The following CFAP43 variants were observed in gnomAD, a reference collection of about 807,000 sequenced individuals.
CFAP43 encodes the protein cilia and flagella associated protein 43, also known as cilia- and flagella-associated protein 43.
Under a neutral mutation model 218.9 loss-of-function variants are expected in CFAP43, and 155 were observed. The observed-to-expected ratio is 0.71, with a 90% CI of 0.62 to 0.81. The LOEUF (loss-of-function observed/expected upper bound fraction) is 0.81. Ranked by LOEUF, CFAP43 falls within the 30% of genes least tolerant of loss-of-function variation. The pLI is 0.00. For synonymous variants in CFAP43, 645 were observed against 681.3 expected (o/e 0.95, Z 0.83); for missense variants, 1,778 against 1,954.3 (o/e 0.91, Z 1.70).
At chr10:104,210,141 G>A (rs901880506) in intron 5 of CFAP43, among the ~76,000 whole-genome samples, 6 of 152,162 alleles carry the variant, frequency 3.9e-5, no homozygotes, top group Admixed American at 3.3e-4. Context: ...CAGTACAGAT[G>A]CAACCATACA....
intron 27 of CFAP43, among the ~76,000 whole-genome samples, chr10:104,158,030 TTTGAACAACAG>T (rs1341592228): frequency 6.6e-6 from 1 of 152,080 alleles, no homozygotes; most frequent in Non-Finnish European, 1.5e-5. Context: ...CTCCGAACAC[TTTGAACAACAG>T]AAATAATAAT....
chr10:104,214,214 A>G (rs1466889023), intron 4 of CFAP43, 45 bp downstream of exon 4: 11 of 1,515,260 alleles, frequency 7.3e-6, no homozygotes, highest in Non-Finnish European at 8.0e-6. Flanking sequence ...ACACGAATGC[A>G]AACAAAGACC....
In CFAP43 at chr10:104,159,667, T is replaced by C. The variant is rs534183889; in HGVS notation, c.3540+1370A>G. Among the ~76,000 whole-genome samples the C allele has an allele frequency of 1.2e-4, 18 of 152,182 alleles. No homozygotes were observed. The South Asian group carries it at 3.7e-3, about 32-fold the overall frequency. On this transcript the variant is annotated intron_variant, in intron 27 of 37. Transcript: ENST00000357060. ...AGTAGAGGAGTAAGGGAAATAACTT[T>C]TAGTTGTCTCTCTTCTCTTAGTAAA...
In CFAP43 at chr10:104,146,352, A is replaced by AT. The variant is rs1158988362; in HGVS notation, c.3769-4dup. The stretch of plus-strand genomic sequence containing the variant: ...CGAACAGCTTCTGAAGTCTGGCTCT[A>AT]TAACAGCATCAGGAATAGTTGATTG... On this transcript the variant is annotated splice_polypyrimidine_tract_variant and splice_region_variant and intron_variant, in intron 29 of 37. Coordinates refer to ENST00000357060, the MANE Select transcript of CFAP43 (RefSeq NM_025145.7). The AT allele has an allele frequency of 1.2e-6, 2 of 1,612,464 alleles. No homozygotes were observed. Among genetic ancestry groups the AT allele is most frequent in the African/African-American group, 2.7e-5 (2 of 74,930 alleles).
At chr10:104,138,423 C>A (rs1055338771) in intron 34 of CFAP43, among the ~76,000 whole-genome samples, 1 of 152,162 alleles carries the variant, frequency 6.6e-6, no homozygotes, top group African/African-American at 2.4e-5. Flanking sequence ...GGCTTGTAAT[C>A]CCAACACTTT....
intron 27 of CFAP43, among the ~76,000 whole-genome samples, chr10:104,159,908 T>C (rs1457252976): frequency 1.3e-5 from 2 of 152,302 alleles, no homozygotes; most frequent in East Asian, 3.9e-4. Context: ...CCCCAGGTGA[T>C]GCAGATTCGC....
At chr10:104,153,144 G>T (rs2088359541) in intron 27 of CFAP43, among the ~76,000 whole-genome samples, 1 of 152,144 alleles carries the variant, frequency 6.6e-6, no homozygotes, top group Non-Finnish European at 1.5e-5. Flanking sequence ...AAGGAAATAA[G>T]AAGTGAATGC....
chr10:104,228,650 T>C (rs888625245), intron 2 of CFAP43, among the ~76,000 whole-genome samples: 1 of 152,178 alleles, frequency 6.6e-6, no homozygotes, highest in Non-Finnish European at 1.5e-5. Flanking sequence ...CAGGAATATA[T>C]TTCTATATAT....
chr10:104,132,025 G>A, intron 36 of CFAP43, 91 bp downstream of exon 36: 12 of 987,066 alleles, frequency 1.2e-5, no homozygotes, highest in Non-Finnish European at 1.7e-5. Context: ...TTTTATTAGG[G>A]TCTAGGTAAA....
At chr10:104,230,532 GTCAACTCTTTAAACAAAATCCT>G in intron 2 of CFAP43, 36 bp downstream of exon 2, 1 of 1,547,582 alleles carries the variant, frequency 6.5e-7, no homozygotes, top group Non-Finnish European at 8.7e-7. Flanking sequence ...AATAGATTTA[GTCAACTCTTTAAACAAAATCCT>G]TCAATTATGG....
intron 31 of CFAP43, among the ~76,000 whole-genome samples, chr10:104,144,167 T>G (rs1219029152): frequency 6.6e-6 from 1 of 152,180 alleles, no homozygotes; most frequent in Non-Finnish European, 1.5e-5. Flanking sequence ...ATTCTCTAGA[T>G]GAGGAAAGTC....
In CFAP43 at chr10:104,141,409, C is replaced by T. The variant is rs201574305; in HGVS notation, c.4272-408G>A. On this transcript the variant is annotated intron_variant, in intron 33 of 37. Transcript: ENST00000357060. ...GGTGGATCATCTGAGGTCAGGAGTT[C>T]GAGACTAGCCTGGCCAACATGGCGA... 4.6e-5 allele frequency among the ~76,000 whole-genome samples: 7 copies of T among 152,058 alleles called. No homozygotes were observed. The East Asian group carries it at 5.8e-4, about 13-fold the overall frequency.
At chr10:104,230,515 C>A in intron 2 of CFAP43, 75 bp downstream of exon 2, 2 of 1,506,870 alleles carry the variant, frequency 1.3e-6, no homozygotes, top group Non-Finnish European at 1.8e-6. Context: ...AATAAATCTT[C>A]ACTTATAATA....
intron 20 of CFAP43, among the ~76,000 whole-genome samples, chr10:104,169,847 G>A (rs1460664340): frequency 6.6e-6 from 1 of 152,122 alleles, no homozygotes; most frequent in Non-Finnish European, 1.5e-5. Context: ...TCAGTTGTCA[G>A]AGCCTGCCTG....
intron 19 of CFAP43, among the ~76,000 whole-genome samples, chr10:104,173,934 G>A (rs1247568741): frequency 6.6e-6 from 1 of 152,164 alleles, no homozygotes; most frequent in Non-Finnish European, 1.5e-5. Context: ...CAAAAGAAAA[G>A]TTAATTGAGT....
intron 27 of CFAP43, among the ~76,000 whole-genome samples, chr10:104,155,011 T>C (rs2088465009): frequency 6.6e-6 from 1 of 152,104 alleles, no homozygotes; most frequent in South Asian, 2.1e-4. Flanking sequence ...AGGGAAGCAG[T>C]GCAGGCAAGG....
intron 20 of CFAP43, 134 bp downstream of exon 20, chr10:104,172,276 T>C: frequency 1.8e-6 from 2 of 1,115,138 alleles, no homozygotes; most frequent in Non-Finnish European, 2.5e-6. Context: ...TTATATGCAC[T>C]ATGTTTGCTT....
At position 104,130,893 on chromosome 10, in the gene CFAP43, G is replaced by C. The variant is rs529782706; in HGVS notation, c.4831+438C>G. Among the ~76,000 whole-genome samples the C allele has an allele frequency of 5.9e-5, 9 of 151,938 alleles. No homozygotes were observed. In the South Asian group the frequency reaches 1.5e-3, roughly 25 times the overall value. On this transcript the variant is annotated intron_variant, in intron 37 of 37. Coordinates refer to ENST00000357060, the MANE Select transcript of CFAP43 (RefSeq NM_025145.7). ...CCTGCCTGTGGTCCCAGGCACTTGA[G>C]GGGGCTGAGGTGGGAGGATCAATTG...
intron 8 of CFAP43, among the ~76,000 whole-genome samples, chr10:104,198,830 T>C (rs532931166): frequency 1.3e-5 from 2 of 151,866 alleles, no homozygotes; most frequent in South Asian, 4.2e-4. Flanking sequence ...TTTGTATTTT[T>C]ACTAGAGATG....
Sources: gnomAD v4.1 joint callset for allele counts (sites outside exome capture counted in the v4.1 genomes callset) on GRCh38, gnomAD v4.1.1 for gene constraint, MANE v1.5 for transcripts, NCBI Gene and HGNC (gene_info 2026-07-23, HGNC 2026-07-21) for gene names.